The following SKAP2 variants were observed in gnomAD, a reference collection of about 807,000 sequenced individuals.
SKAP2 encodes the protein src kinase associated phosphoprotein 2.
SKAP2 carries 28 observed loss-of-function variants against 54.9 expected under a neutral mutation model. That is an observed-to-expected ratio of 0.51 (90% CI 0.38 to 0.70). The LOEUF (loss-of-function observed/expected upper bound fraction) is 0.70. SKAP2 is among the 30% of genes least tolerant of loss of function. The pLI is 0.00. For synonymous variants in SKAP2, 137 were observed against 134.3 expected, an observed-to-expected ratio of 1.02 and a Z score of -0.14; for missense variants, 356 against 424.1, an observed-to-expected ratio of 0.84 and a Z score of 1.41.
At chr7:26,782,382 A>G (rs1439010805) in intron 4 of SKAP2, among the ~76,000 whole-genome samples, 1 of 152,240 alleles carries the variant, frequency 6.6e-6, no homozygotes, top group Non-Finnish European at 1.5e-5. Context: ...CAGATTGGTT[A>G]AAAGTTTGTT....
At chr7:26,829,046 A>C (rs1327249429) in intron 4 of SKAP2, among the ~76,000 whole-genome samples, 1 of 152,132 alleles carries the variant, frequency 6.6e-6, no homozygotes, top group Non-Finnish European at 1.5e-5. Flanking sequence ...TAAATAAATA[A>C]AGTACAAGTA....
intron 4 of SKAP2, among the ~76,000 whole-genome samples, chr7:26,760,023 C>T (rs1185283038): frequency 6.6e-6 from 1 of 152,072 alleles, no homozygotes; most frequent in Non-Finnish European, 1.5e-5. Context: ...AAGTAAAGTG[C>T]TCTGTGCTAA....
intron 10 of SKAP2, among the ~76,000 whole-genome samples, chr7:26,687,048 A>C (rs191574758): frequency 6.6e-6 from 1 of 151,928 alleles, no homozygotes; most frequent in African/African-American, 2.4e-5. Flanking sequence ...ATTCTCTTAC[A>C]ATAGTTTTTA....
At chr7:26,857,896 G>T (rs976894523) in intron 1 of SKAP2, 1 of 188,506 alleles carries the variant, frequency 5.3e-6, no homozygotes, top group African/African-American at 2.4e-5. Flanking sequence ...CAGTAAACTA[G>T]CAAGAGCGTT....
chr7:26,809,955 A>G (rs557131198), intron 4 of SKAP2, among the ~76,000 whole-genome samples: 2 of 152,234 alleles, frequency 1.3e-5, no homozygotes, highest in Non-Finnish European at 2.9e-5. Flanking sequence ...ATTTGTGCCA[A>G]TATGGATGAA....
At chr7:26,773,569 TA>T (rs1470733401) in intron 4 of SKAP2, among the ~76,000 whole-genome samples, 2 of 152,212 alleles carry the variant, frequency 1.3e-5, no homozygotes, top group African/African-American at 4.8e-5. Context: ...CTTCTCCAAC[TA>T]AACCTCCTAA....
chr7:26,813,262 A>T (rs1784194720), intron 4 of SKAP2, among the ~76,000 whole-genome samples: 2 of 152,202 alleles, frequency 1.3e-5, no homozygotes, highest in Admixed American at 1.3e-4. Flanking sequence ...AACAGTATGC[A>T]ATTGTATTCA....
At chr7:26,748,817 G>A (rs1164429930) in intron 4 of SKAP2, among the ~76,000 whole-genome samples, 1 of 152,008 alleles carries the variant, frequency 6.6e-6, no homozygotes, top group Non-Finnish European at 1.5e-5. Flanking sequence ...CACAACAAAA[G>A]TGCCCCCAAA....
chr7:26,797,525 C>T (rs1783808462), intron 4 of SKAP2, among the ~76,000 whole-genome samples: 1 of 152,168 alleles, frequency 6.6e-6, no homozygotes, highest in African/African-American at 2.4e-5. Flanking sequence ...TAGATCACAA[C>T]ACTCAAGTCC....
At chr7:26,689,240 C>T (rs1786724669) in intron 10 of SKAP2, among the ~76,000 whole-genome samples, 1 of 152,046 alleles carries the variant, frequency 6.6e-6, no homozygotes, top group Non-Finnish European at 1.5e-5. Flanking sequence ...GGGAAGGTGA[C>T]CCTAACTCTA....
chr7:26,831,230 A>G (rs1784587691), intron 4 of SKAP2, among the ~76,000 whole-genome samples: 1 of 152,204 alleles, frequency 6.6e-6, no homozygotes, highest in South Asian at 2.1e-4. Context: ...TTTTCCAGGT[A>G]TAAAATTTCT....
chr7:26,804,326 C>T, intron 4 of SKAP2, among the ~76,000 whole-genome samples: 1 of 152,070 alleles, frequency 6.6e-6, no homozygotes, highest in Admixed American at 6.5e-5. Flanking sequence ...CTCTGTTATC[C>T]TTTCTAACTC....
intron 4 of SKAP2, among the ~76,000 whole-genome samples, chr7:26,814,030 A>T (rs1304065438): frequency 6.6e-6 from 1 of 152,180 alleles, no homozygotes; most frequent in Non-Finnish European, 1.5e-5. Context: ...GTGATATTTT[A>T]GCTTCATATG....
At chr7:26,798,175 T>C (rs1398634628) in intron 4 of SKAP2, among the ~76,000 whole-genome samples, 1 of 151,800 alleles carries the variant, frequency 6.6e-6, no homozygotes, top group African/African-American at 2.4e-5. Context: ...GAAAGGACTT[T>C]AAAAACAGCA....
chr7:26,764,793 C>T (rs1015091503), intron 4 of SKAP2, among the ~76,000 whole-genome samples: 5 of 152,066 alleles, frequency 3.3e-5, no homozygotes, highest in Non-Finnish European at 7.4e-5. Flanking sequence ...CCTCGTGATC[C>T]GCCCACCTCG....
chr7:26,789,205 G>A (rs1043769176), intron 4 of SKAP2, among the ~76,000 whole-genome samples: 12 of 151,958 alleles, frequency 7.9e-5, no homozygotes, highest in Admixed American at 5.9e-4. Context: ...CTTAATTTAC[G>A]TATCTAAAAA....
At chr7:26,810,172 C>T (rs1358687054) in intron 4 of SKAP2, among the ~76,000 whole-genome samples, 1 of 151,806 alleles carries the variant, frequency 6.6e-6, no homozygotes. Context: ...TCCATCTCCA[C>T]AAAAATAAAA....
chr7:26,724,781 C>T (rs951732049), intron 9 of SKAP2, among the ~76,000 whole-genome samples: 3 of 151,950 alleles, frequency 2.0e-5, no homozygotes, highest in South Asian at 2.1e-4. Context: ...TCCTCATGGC[C>T]GCAAGTCAAG....
At chr7:26,718,562 G>C (rs1787510972) in intron 9 of SKAP2, among the ~76,000 whole-genome samples, 1 of 151,802 alleles carries the variant, frequency 6.6e-6, no homozygotes, top group South Asian at 2.1e-4. Context: ...CCAGGCTGGA[G>C]TGCAGTGGTG....
Sources: allele counts gnomAD v4.1 joint callset (sites outside exome capture counted in the v4.1 genomes callset), GRCh38; gene constraint gnomAD v4.1.1; transcripts MANE v1.5; gene names NCBI Gene and HGNC (gene_info 2026-07-23, HGNC 2026-07-21).